Variants in POGK observed in about 807,000 individuals in gnomAD.
POGK encodes the protein pogo transposable element derived with KRAB domain, also known as pogo transposable element with KRAB domain.
POGK carries 16 observed loss-of-function variants against 54.4 expected under a neutral mutation model. The observed-to-expected ratio is 0.29, with a 90% CI of 0.20 to 0.45. The LOEUF is 0.45. Ranked by LOEUF, POGK falls within the 20% of genes least tolerant of loss-of-function variation. POGK has a pLI of 1.00. For synonymous variants in POGK, 271 were observed against 302.2 expected (o/e 0.90, Z 1.07); for missense variants, 515 against 795.6 (o/e 0.65, Z 4.24).
chr1:166,853,449 A>T lies in POGK; in HGVS notation c.*879A>T, dbSNP rs1225010062. 1.3e-5 allele frequency: 2 copies of T among 152,508 alleles called. No homozygotes were observed. Among genetic ancestry groups the T allele is most frequent in the Non-Finnish European group, 2.9e-5 (2 of 68,008 alleles). The allele number at this position is 152,508 out of a possible 1,614,324, so 9.4% of individuals were successfully genotyped here. ...GGTACAAGGCCCATTGACTCATCTG[A>T]TGCTTGTTTTGTTAATTTCTTTAAT... On this transcript the variant is annotated 3_prime_UTR_variant, in exon 6 of 6. Coordinates refer to ENST00000367876, the MANE Select transcript of POGK (RefSeq NM_017542.5).
At position 166,850,221 on chromosome 1, in the gene POGK, C is replaced by T. The variant is rs1431409236; in HGVS notation, c.1642C>T (p.Leu548=). 1.3e-6 allele frequency: 2 copies of T among 1,555,354 alleles called. No individual in the cohort carries two copies. The highest frequency in any genetic ancestry group is 8.7e-7 in the Non-Finnish European group (1 of 1,148,882). ...NAKKPPLGLF[L]EWVMVAWNSI... is the part of the protein sequence containing the mutation. ...TAAGAAGCCACCCCTGGGCCTCTTT[C>T]TGGAGTGGGTCATGGTCGCGTGGAA... The change falls in exon 5 of 6, where the codon CTG becomes TTG. Residue 548 remains leucine, a synonymous_variant. Transcript: ENST00000367876.
intron 2 of POGK, among the ~76,000 whole-genome samples, chr1:166,846,237 G>A (rs1211035064): frequency 6.6e-6 from 1 of 152,196 alleles, no homozygotes; most frequent in East Asian, 1.9e-4. Flanking sequence ...CACTTTGTCT[G>A]GGTGTGGGTG....
intron 2 of POGK, 29 bp downstream of exon 2, chr1:166,841,117 G>A (rs1177319713): frequency 1.2e-6 from 2 of 1,610,118 alleles, no homozygotes; most frequent in Non-Finnish European, 1.7e-6. Flanking sequence ...AGTCCACACA[G>A]CCAGCAGATG....
chr1:166,841,280 C>G (rs1454908272), intron 2 of POGK, among the ~76,000 whole-genome samples, 192 bp downstream of exon 2: 1 of 152,192 alleles, frequency 6.6e-6, no homozygotes, highest in East Asian at 1.9e-4. Context: ...TGGAAACAGT[C>G]CCTCAGCCAT....
In POGK at chr1:166,839,533, A is replaced by T. The variant is rs1657378051; in HGVS notation, c.-74A>T. ...GCGCACGGGAGGACGGAGAGGCGGA[A>T]AGGATGGCGCTGTGACAGCCGGGCC... is the stretch of plus-strand genomic sequence containing the variant. On this transcript the variant is annotated 5_prime_UTR_variant, in exon 1 of 6. Transcript: ENST00000367876. 1 of 150,876 alleles carries T rather than the reference A, an allele frequency of 6.6e-6. No individual in the cohort carries two copies. Among genetic ancestry groups the T allele is most frequent in the Non-Finnish European group, 1.5e-5 (1 of 67,644 alleles). 9.3% of individuals were successfully genotyped at this position (150,876 alleles called of 1,614,324 possible). A position where few individuals can be genotyped will look rare whatever the true frequency, so the allele number is the denominator to read the frequency against.
chr1:166,850,393 T>C lies in POGK; in HGVS notation c.1814T>C (p.Met605Thr). 6.2e-7 allele frequency: 1 copy of C among 1,609,500 alleles called. No individual in the cohort carries two copies. The highest frequency in any genetic ancestry group is 8.5e-7 in the Non-Finnish European group (1 of 1,178,694). The part of the protein sequence containing the change: ...EPPKDCDTES[M>T]AESN ...CCAAAAGATTGTGACACCGAAAGCA[T>C]GGCTGAGAGCAACTGAAGGGAAAGG... Residue 605 changes from methionine to threonine, a missense_variant, in exon 5 of 6, where the codon ATG (methionine) becomes ACG (threonine). By Grantham distance (81) the Met-to-Thr change is moderately conservative. This residue lies in a region of POGK where 461 missense variants were observed against 743.5 expected (regional missense o/e 0.62). Transcript: ENST00000367876.
intron 5 of POGK, 92 bp from the exon 6 acceptor site, chr1:166,852,493 T>C (rs141913524): frequency 5.9e-4 from 90 of 152,338 alleles, no homozygotes; most frequent in African/African-American, 2.1e-3. Context: ...TTGGCCTCTA[T>C]TTGGAAATCT....
At chr1:166,851,484 T>A (rs1226960940) in intron 5 of POGK, 1 of 152,202 alleles carries the variant, frequency 6.6e-6, no homozygotes, top group African/African-American at 2.4e-5. Context: ...GGTGCGTATC[T>A]AGGACTCTAG....
chr1:166,850,493 A>T, intron 5 of POGK, 70 bp downstream of exon 5: 6 of 1,472,614 alleles, frequency 4.1e-6, no homozygotes, highest in Non-Finnish European at 5.4e-6. Flanking sequence ...CCTTCTCTCC[A>T]TTATTTTTCT....
At chr1:166,848,398 G>C (rs1324942069) in intron 4 of POGK, among the ~76,000 whole-genome samples, 1 of 152,176 alleles carries the variant, frequency 6.6e-6, no homozygotes, top group Non-Finnish European at 1.5e-5. Flanking sequence ...GTGAAACCTG[G>C]TTGCACCATT....
chr1:166,844,797 T>TGATGAGTGC (rs1190061533), intron 2 of POGK, among the ~76,000 whole-genome samples: 1 of 152,082 alleles, frequency 6.6e-6, no homozygotes, highest in Non-Finnish European at 1.5e-5. Context: ...TTCTGCAGTG[T>TGATGAGTGC]GATGAGTGCC....
chr1:166,847,399 G>T, intron 3 of POGK, 95 bp from the exon 4 acceptor site: 1 of 897,716 alleles, frequency 1.1e-6, no homozygotes. Flanking sequence ...CACAAAGAAG[G>T]GGAGAGTGGC....
intron 3 of POGK, among the ~76,000 whole-genome samples, chr1:166,847,286 A>G (rs1038965597): frequency 1.8e-4 from 27 of 148,728 alleles, no homozygotes; most frequent in African/African-American, 6.2e-4. Flanking sequence ...GTTGGTGCCA[A>G]TACCATCCCT....
chr1:166,843,401 A>G (rs1369662836), intron 2 of POGK, among the ~76,000 whole-genome samples: 2 of 152,220 alleles, frequency 1.3e-5, no homozygotes, highest in African/African-American at 4.8e-5. Flanking sequence ...GGGAGGCCTC[A>G]GGCTCTCTAC....
intron 1 of POGK, 52 bp downstream of exon 1, chr1:166,839,656 C>G (rs1171232182): frequency 1.4e-5 from 2 of 142,490 alleles, no homozygotes; most frequent in Non-Finnish European, 1.5e-5. Flanking sequence ...CCCCGGGTCC[C>G]GGGCGGCTGG....
rs146707597 is a variant in POGK at position 166,849,443 on chromosome 1, A to G, written c.864A>G (p.Lys288=). 2.6e-4 allele frequency: 426 copies of G among 1,614,232 alleles called. 1 individual carries two copies. In the African/African-American group the frequency reaches 5.1e-3, roughly 19 times the overall value. ...DPITREAMQL[K]ALEIAQEMNI... is the part of the protein sequence containing the mutation. ...TCACCCGGGAGGCGATGCAGCTGAA[A>G]GCTCTCGAAATCGCCCAGGAAATGA... The change falls in exon 5 of 6, where the codon AAA becomes AAG. Residue 288 remains lysine (K), a synonymous_variant. Coordinates refer to ENST00000367876, the MANE Select transcript of POGK (RefSeq NM_017542.5).
In POGK at chr1:166,849,269, C is replaced by A; in HGVS notation, c.690C>A (p.Asn230Lys). Residue 230 changes from asparagine (N) to lysine (K), a missense_variant, in exon 5 of 6, where the codon AAC becomes AAA. Physicochemically the swap from Asn to Lys is moderately conservative, Grantham distance 94 (BLOSUM62 0). Transcript: ENST00000367876. Reference protein sequence around the residue: ...AAKQFGVLEKNVRDWRKVKPQ... With the variant: ...AAKQFGVLEKKVRDWRKVKPQ... The stretch of plus-strand genomic sequence containing the variant: ...AGCAGTTTGGAGTATTGGAAAAAAA[C>A]GTTCGAGACTGGCGCAAAGTGAAGC... 3 of 1,614,214 alleles carry A rather than the reference C, an allele frequency of 1.9e-6. No individual in the cohort carries two copies. The highest frequency in any genetic ancestry group is 2.5e-6 in the Non-Finnish European group (3 of 1,180,048).
rs1658202961 is a variant in POGK, at chr1:166,854,365, G to T, written c.*1795G>T. The T allele has an allele frequency of 6.6e-6, 1 of 152,576 alleles. No homozygotes were observed. The highest frequency in any genetic ancestry group is 1.5e-5 in the Non-Finnish European group (1 of 68,024). The allele number at this position is 152,576 out of a possible 1,614,324, so 9.5% of individuals were successfully genotyped here. A position where few individuals can be genotyped will look rare whatever the true frequency, so the allele number is the denominator to read the frequency against. Reference sequence around the variant, plus strand: ...AACAGAGCCCCAGTACAACTATTTTGCAGAATGGCTGTTACCCTAGAATTA... The same window carrying T: ...AACAGAGCCCCAGTACAACTATTTTTCAGAATGGCTGTTACCCTAGAATTA... On this transcript the variant is annotated 3_prime_UTR_variant, in exon 6 of 6. Transcript: ENST00000367876.
chr1:166,840,887 C>A, intron 1 of POGK, 68 bp from the exon 2 acceptor site: 1 of 1,588,020 alleles, frequency 6.3e-7, no homozygotes, highest in Non-Finnish European at 8.6e-7. Flanking sequence ...GGCTCAGCCT[C>A]CCCCATCATA....
Sources: gnomAD v4.1 joint callset for allele counts (sites outside exome capture counted in the v4.1 genomes callset) on GRCh38, gnomAD v4.1.1 for gene constraint, gnomAD v4.1.1 regional missense constraint, MANE v1.5 for transcripts, NCBI Gene and HGNC (gene_info 2026-07-23, HGNC 2026-07-21) for gene names.